Variants in GPR39 observed in about 807,000 individuals in gnomAD.
The protein encoded by GPR39 is G protein-coupled receptor 39.
GPR39 carries 23 observed loss-of-function variants against 18.4 expected under a neutral mutation model. That is an observed-to-expected ratio of 1.25 (90% CI 0.90 to 1.77). The LOEUF (loss-of-function observed/expected upper bound fraction) is 1.77. Ranked by LOEUF, GPR39 falls within the 40% of genes most tolerant of loss-of-function variation. The pLI, the probability that GPR39 is intolerant of heterozygous loss-of-function variation, is 0.00. For missense variants in GPR39, 647 were observed against 602.4 expected (o/e 1.07, Z -0.78); for synonymous variants, 280 against 257.9 (o/e 1.09, Z -0.82).
At chr2:132,445,327 A>G (rs1680515470) in intron 1 of GPR39, among the ~76,000 whole-genome samples, 1 of 152,142 alleles carries the variant, frequency 6.6e-6, no homozygotes, top group African/African-American at 2.4e-5. Context: ...TTTTTGTAAC[A>G]TGGAAATTTG....
chr2:132,503,914 G>A (rs1178731619), intron 1 of GPR39, among the ~76,000 whole-genome samples: 2 of 152,200 alleles, frequency 1.3e-5, no homozygotes, highest in African/African-American at 4.8e-5. Context: ...CCTGCTCCAA[G>A]CAGCCTGTAG....
chr2:132,480,980 T>C (rs1397296590), intron 1 of GPR39, among the ~76,000 whole-genome samples: 4 of 152,188 alleles, frequency 2.6e-5, no homozygotes, highest in Non-Finnish European at 5.9e-5. Flanking sequence ...AATCCTTCAA[T>C]CTGGGGTTGA....
chr2:132,552,522 C>G (rs1314378922), intron 1 of GPR39, among the ~76,000 whole-genome samples: 2 of 152,112 alleles, frequency 1.3e-5, no homozygotes, highest in Non-Finnish European at 2.9e-5. Flanking sequence ...CCAATTAAAC[C>G]TGTTTTCTTT....
Position 132,482,060 on chromosome 2 carries a change from C to T in GPR39, c.856+64162C>T, listed in dbSNP as rs1027850362. Among the ~76,000 whole-genome samples, 23 of 152,310 alleles carry T rather than the reference C, an allele frequency of 1.5e-4. No homozygotes were observed. The East Asian group carries it at 2.5e-3, about 17-fold the overall frequency. ...CAAGTCCTTCTCTCAACATTGTTGA[C>T]GTCCCCTAAATAATGGCTCTGCATT... On this transcript the variant is annotated intron_variant, in intron 1 of 1. Transcript: ENST00000329321.
At chr2:132,642,857 G>A (rs903663287) in intron 1 of GPR39, among the ~76,000 whole-genome samples, 6 of 144,928 alleles carry the variant, frequency 4.1e-5, no homozygotes, top group African/African-American at 1.6e-4. Context: ...CATGTTCTCT[G>A]AAATTCAGTG....
rs573042034 is a variant in GPR39, at chr2:132,431,089, C to T, written c.856+13191C>T. Among the ~76,000 whole-genome samples, 193 of 152,176 alleles carry T rather than the reference C, an allele frequency of 1.3e-3. 1 individual carries two copies. The highest frequency in any genetic ancestry group is 2.3e-3 in the Non-Finnish European group (159 of 68,032). The stretch of plus-strand genomic sequence containing the variant: ...GCTGGTTGGTGCCAAATCCCCAGGG[C>T]ATGTCTCCTGCCTTGTAAGCTGACT... On this transcript the variant is annotated intron_variant, in intron 1 of 1. Coordinates refer to ENST00000329321, the MANE Select transcript of GPR39 (RefSeq NM_001508.3).
At chr2:132,625,482 C>T (rs984756605) in intron 1 of GPR39, among the ~76,000 whole-genome samples, 15 of 152,116 alleles carry the variant, frequency 9.9e-5, no homozygotes, top group African/African-American at 3.4e-4. Context: ...CACCACTAGA[C>T]AGATTGGCAA....
intron 1 of GPR39, among the ~76,000 whole-genome samples, chr2:132,454,379 G>T (rs962712120): frequency 1.3e-5 from 2 of 152,170 alleles, no homozygotes; most frequent in African/African-American, 2.4e-5. Context: ...AGGAGATTTT[G>T]GGCTGAGATG....
chr2:132,484,957 A>C (rs1460039248), intron 1 of GPR39, among the ~76,000 whole-genome samples: 2 of 152,188 alleles, frequency 1.3e-5, no homozygotes, highest in East Asian at 3.9e-4. Flanking sequence ...ATAATGTCAG[A>C]AGTGGGGGAA....
chr2:132,477,029 T>G (rs1359373733), intron 1 of GPR39, among the ~76,000 whole-genome samples: 1 of 152,222 alleles, frequency 6.6e-6, no homozygotes, highest in Non-Finnish European at 1.5e-5. Flanking sequence ...ATGGTCCCCC[T>G]CTGCCTGCTC....
At chr2:132,533,990 A>T (rs192769116) in intron 1 of GPR39, among the ~76,000 whole-genome samples, 15 of 152,358 alleles carry the variant, frequency 9.8e-5, no homozygotes, top group Admixed American at 8.5e-4. Flanking sequence ...AAATTGACAG[A>T]TGGGATCTAA....
At chr2:132,446,411 A>G (rs1392919741) in intron 1 of GPR39, among the ~76,000 whole-genome samples, 1 of 152,240 alleles carries the variant, frequency 6.6e-6, no homozygotes, top group Non-Finnish European at 1.5e-5. Flanking sequence ...AAACAGTGTT[A>G]GGGCCAAGTG....
At chr2:132,615,977 T>C (rs980670425) in intron 1 of GPR39, among the ~76,000 whole-genome samples, 1 of 148,734 alleles carries the variant, frequency 6.7e-6, no homozygotes, top group Non-Finnish European at 1.5e-5. Context: ...TTTAAGCAAG[T>C]GATTCTTTAA....
intron 1 of GPR39, among the ~76,000 whole-genome samples, chr2:132,598,999 G>T (rs1680996308): frequency 6.6e-6 from 1 of 152,114 alleles, no homozygotes; most frequent in Admixed American, 6.5e-5. Flanking sequence ...AACCATCAAG[G>T]TTAGTTGACA....
chr2:132,515,463 C>G (rs1022299650), intron 1 of GPR39, among the ~76,000 whole-genome samples: 2 of 152,208 alleles, frequency 1.3e-5, no homozygotes, highest in African/African-American at 2.4e-5. Context: ...CTCCTTCCCA[C>G]TGGTCCTCCC....
intron 1 of GPR39, among the ~76,000 whole-genome samples, chr2:132,497,243 A>C (rs1293789021): frequency 6.6e-6 from 1 of 152,152 alleles, no homozygotes. Flanking sequence ...GACTCCTAAC[A>C]TGGGCATCCT....
At chr2:132,517,669 C>T (rs1679357040) in intron 1 of GPR39, among the ~76,000 whole-genome samples, 1 of 151,996 alleles carries the variant, frequency 6.6e-6, no homozygotes, top group Non-Finnish European at 1.5e-5. Context: ...TTATTGATCG[C>T]CAAATTTGTG....
At chr2:132,533,604 G>A (rs2104778173) in intron 1 of GPR39, among the ~76,000 whole-genome samples, 1 of 152,122 alleles carries the variant, frequency 6.6e-6, no homozygotes, top group East Asian at 1.9e-4. Context: ...TATATTACAA[G>A]GCTACAGTAA....
intron 1 of GPR39, among the ~76,000 whole-genome samples, chr2:132,574,622 C>T (rs920582011): frequency 3.9e-5 from 6 of 152,136 alleles, no homozygotes; most frequent in African/African-American, 1.2e-4. Context: ...GTAATCCCAG[C>T]TACTCAGGTG....
Sources: allele counts gnomAD v4.1 joint callset (sites outside exome capture counted in the v4.1 genomes callset), GRCh38; gene constraint gnomAD v4.1.1; transcripts MANE v1.5; gene names NCBI Gene and HGNC (gene_info 2026-07-23, HGNC 2026-07-21).